The following HOOK3 variants were observed in gnomAD, a reference collection of about 807,000 sequenced individuals.
HOOK3 encodes hook microtubule tethering protein 3, also known as protein Hook homolog 3.
A neutral mutation model predicts 116.3 loss-of-function variants in HOOK3; 24 were observed. The ratio of observed to expected loss-of-function variants is 0.21; its 90% CI spans 0.15 to 0.29. The LOEUF is 0.29. Among genes scored for constraint, HOOK3 ranks in the 10% least tolerant of loss-of-function variants. HOOK3 has a pLI of 1.00. For missense variants in HOOK3, 632 were observed against 830.2 expected (o/e 0.76, Z 2.93); for synonymous variants, 275 against 283.0 (o/e 0.97, Z 0.28).
chr8:42,985,251 A>T (rs1809028253), intron 14 of HOOK3, among the ~76,000 whole-genome samples: 1 of 152,214 alleles, frequency 6.6e-6, no homozygotes, highest in African/African-American at 2.4e-5. Flanking sequence ...AACCAAGGAT[A>T]TACAGAGAAG....
intron 4 of HOOK3, among the ~76,000 whole-genome samples, chr8:42,939,220 A>G (rs544505482): frequency 3.3e-5 from 5 of 152,168 alleles, no homozygotes; most frequent in South Asian, 4.1e-4. Flanking sequence ...CCCGTTCTCA[A>G]TGAGCTATTG....
chr8:42,957,865 T>C lies in HOOK3; in HGVS notation c.531+709T>C, dbSNP rs545812475. On this transcript the variant is annotated intron_variant, in intron 7 of 21. Coordinates refer to ENST00000307602, the MANE Select transcript of HOOK3 (RefSeq NM_032410.4). ...TTTTGTTTGACACGGAGTCTTGGTC[T>C]ATCGCCCAGGCTGGAGTGCAGTGGC... 2.0e-5 allele frequency among the ~76,000 whole-genome samples: 3 copies of C among 150,740 alleles called. No individual in the cohort carries two copies. The East Asian group carries it at 5.9e-4, about 29-fold the overall frequency.
At chr8:42,992,399 CAAAA>C (rs36048747) in intron 15 of HOOK3, among the ~76,000 whole-genome samples, 9 of 38,936 alleles carry the variant, frequency 2.3e-4, no homozygotes, top group East Asian at 8.7e-4. Flanking sequence ...GACTCTGTCT[CAAAA>C]AAAAAAAAAA....
intron 11 of HOOK3, 129 bp downstream of exon 11, chr8:42,968,343 T>C: frequency 1.6e-6 from 1 of 644,398 alleles, no homozygotes. Flanking sequence ...TATTGATTCA[T>C]TTAGGAGACT....
At chr8:42,927,504 C>T (rs576702819) in intron 3 of HOOK3, among the ~76,000 whole-genome samples, 79 of 152,326 alleles carry the variant, frequency 5.2e-4, no homozygotes, top group African/African-American at 1.9e-3. Context: ...GATCTGCCCG[C>T]CTTGGCCTCC....
rs184476985 is a variant in HOOK3, at chr8:42,928,307, C to T, written c.217-1815C>T. On this transcript the variant is annotated intron_variant, in intron 3 of 21. Coordinates refer to ENST00000307602, the MANE Select transcript of HOOK3 (RefSeq NM_032410.4). ...AAAAAAAAAGAAAAACAAAATTAGT[C>T]AGGTGTGGTGCCGGGCGCCTGTAAT... Among the ~76,000 whole-genome samples the T allele has an allele frequency of 8.7e-3, 1,301 of 148,944 alleles. 17 individuals are homozygous for T. The highest frequency in any genetic ancestry group is 0.031 in the African/African-American group (1,241 of 40,208).
intron 5 of HOOK3, among the ~76,000 whole-genome samples, chr8:42,945,173 T>C: frequency 6.6e-6 from 1 of 152,216 alleles, no homozygotes; most frequent in East Asian, 1.9e-4. Flanking sequence ...CCTAAGGTTA[T>C]TGTGGAAACT....
chr8:42,959,617 G>A (rs905450975), intron 8 of HOOK3, among the ~76,000 whole-genome samples: 1 of 151,170 alleles, frequency 6.6e-6, no homozygotes, highest in African/African-American at 2.4e-5. Flanking sequence ...TACTTGGGAG[G>A]CTGAGGCAGG....
intron 8 of HOOK3, among the ~76,000 whole-genome samples, chr8:42,963,854 G>A (rs1423727267): frequency 6.6e-6 from 1 of 152,122 alleles, no homozygotes; most frequent in African/African-American, 2.4e-5. Context: ...TGCTCTGCAC[G>A]TGCAGTATTC....
At chr8:42,971,129 A>G (rs578006720) in intron 11 of HOOK3, among the ~76,000 whole-genome samples, 12 of 151,810 alleles carry the variant, frequency 7.9e-5, no homozygotes, top group South Asian at 6.2e-4. Context: ...TTTCTTCTTA[A>G]TCAGCATAAC....
chr8:42,898,226 A>G (rs959481162), intron 1 of HOOK3, among the ~76,000 whole-genome samples: 1 of 152,200 alleles, frequency 6.6e-6, no homozygotes, highest in African/African-American at 2.4e-5. Flanking sequence ...AAATTAATAA[A>G]AATAGTCTGA....
At chr8:42,928,450 CAA>C (rs1299872017) in intron 3 of HOOK3, among the ~76,000 whole-genome samples, 1 of 132,074 alleles carries the variant, frequency 7.6e-6, no homozygotes. Context: ...GACTCAGTCT[CAA>C]AAAAAAAAAA....
Position 43,023,997 on chromosome 8 carries a change from C to G in HOOK3, c.*5499C>G, listed in dbSNP as rs1809886426. On this transcript the variant is annotated 3_prime_UTR_variant, in exon 22 of 22. Coordinates refer to ENST00000307602, the MANE Select transcript of HOOK3 (RefSeq NM_032410.4). ...ATTTAGTCTCCTATTATCTAGATCT[C>G]TGAGTCCAGGATAACTCCAGTTATC... The G allele has an allele frequency of 5.0e-6, 1 of 201,986 alleles. No individual in the cohort carries two copies. The highest frequency in any genetic ancestry group is 1.0e-5 in the Non-Finnish European group (1 of 98,226). The allele number at this position is 201,986 out of a possible 1,614,324, so 12.5% of individuals were successfully genotyped here.
intron 11 of HOOK3, among the ~76,000 whole-genome samples, chr8:42,970,782 CTTTTTTT>C (rs764513803): frequency 1.8e-4 from 17 of 93,858 alleles, no homozygotes; most frequent in African/African-American, 6.5e-4. Flanking sequence ...GAATTTGGGT[CTTTTTTT>C]TTTTTTTTTT....
intron 12 of HOOK3, among the ~76,000 whole-genome samples, chr8:42,973,634 C>T (rs186699909): frequency 5.2e-4 from 79 of 152,274 alleles, no homozygotes; most frequent in Non-Finnish European, 7.2e-4. Context: ...ATCTTTTCTA[C>T]CACTGTTGCC....
intron 2 of HOOK3, among the ~76,000 whole-genome samples, chr8:42,912,554 C>T (rs1162349896): frequency 6.6e-6 from 1 of 152,148 alleles, no homozygotes; most frequent in Non-Finnish European, 1.5e-5. Flanking sequence ...TACCACTGAA[C>T]TGTGCACTTA....
chr8:42,906,480 A>G (rs1261952409), intron 2 of HOOK3, among the ~76,000 whole-genome samples: 1 of 152,148 alleles, frequency 6.6e-6, no homozygotes, highest in African/African-American at 2.4e-5. Flanking sequence ...TAGCAGAATT[A>G]TTCTTGTATT....
At chr8:42,966,694 T>G (rs1808639047) in intron 10 of HOOK3, 81 bp downstream of exon 10, 1 of 1,483,214 alleles carries the variant, frequency 6.7e-7, no homozygotes. Flanking sequence ...CTAGCAAACT[T>G]AAGAGCCAGG....
intron 11 of HOOK3, among the ~76,000 whole-genome samples, chr8:42,969,040 C>A (rs1445164859): frequency 1.3e-5 from 2 of 152,140 alleles, no homozygotes; most frequent in Non-Finnish European, 2.9e-5. Context: ...ACATTCATTT[C>A]TGCTGCTCTC....
Sources: allele counts gnomAD v4.1 joint callset (sites outside exome capture counted in the v4.1 genomes callset), GRCh38; gene constraint gnomAD v4.1.1; transcripts MANE v1.5; gene names NCBI Gene and HGNC (gene_info 2026-07-23, HGNC 2026-07-21).